The following CPXM1 variants were observed in gnomAD, a reference collection of about 807,000 sequenced individuals.
CPXM1 encodes the protein carboxypeptidase X, M14 family member 1, also known as probable carboxypeptidase X1.
In CPXM1, 72 loss-of-function variants were observed where a neutral mutation model predicts 80.4. The ratio of observed to expected loss-of-function variants is 0.90; its 90% CI spans 0.74 to 1.09. The LOEUF (loss-of-function observed/expected upper bound fraction) is 1.09. Among genes scored for constraint, CPXM1 ranks in the 50% least tolerant of loss-of-function variants. The pLI is 0.00. For missense variants in CPXM1, 892 were observed against 999.4 expected, an observed-to-expected ratio of 0.89 and a Z score of 1.45; for synonymous variants, 403 against 405.6, an observed-to-expected ratio of 0.99 and a Z score of 0.08.
Position 2,795,507 on chromosome 20 carries a change from G to A in CPXM1, c.1721-91C>T. The A allele has an allele frequency of 2.5e-6, 4 of 1,584,330 alleles. No individual in the cohort carries two copies. The South Asian group carries it at 4.6e-5, about 18-fold the overall frequency. ...CCTTCTCTGAGGGACACTTCAGAGT[G>A]GGAACAGACGCCAGCACTGTACGCA... On this transcript the variant is annotated intron_variant, in intron 11 of 13. Transcript: ENST00000380605. The surrounding 1 kb of genome is among the most constrained non-coding windows in gnomAD (Gnocchi z 5.4).
At position 2,794,224 on chromosome 20, in the gene CPXM1, C is replaced by T; in HGVS notation, c.2171G>A (p.Arg724Lys). Reference sequence around the variant, plus strand: ...CTGTCCCCTTAGCCGCTCCAGGCGCCTGCGAAGGTCCGGGGGCACCTTGGC... The same window carrying T: ...CTGTCCCCTTAGCCGCTCCAGGCGCTTGCGAAGGTCCGGGGGCACCTTGGC... ...AGAKVPPDLR[R>K]RLERLRGQKD The change falls in exon 14 of 14, where the codon AGG becomes AAG. Residue 724 changes from arginine to lysine, a missense_variant. By Grantham distance (26) the Arg-to-Lys change is conservative. Around this residue, in one of 2 missense-constraint regions of CPXM1, gnomAD observed 874 missense variants for 958.4 expected, o/e 0.91. Coordinates refer to ENST00000380605, the MANE Select transcript of CPXM1 (RefSeq NM_019609.5). The surrounding 1 kb of genome is among the most constrained non-coding windows in gnomAD (Gnocchi z 5.2). 1 of 1,613,794 alleles carries T rather than the reference C, an allele frequency of 6.2e-7. No homozygotes were observed.
At chr20:2,800,289 T>C (rs2088556665) in intron 1 of CPXM1, 112 bp downstream of exon 1, 1 of 967,278 alleles carries the variant, frequency 1.0e-6, no homozygotes, top group Non-Finnish European at 1.4e-6. Context: ...TGCATGACTG[T>C]GAGTGTGCGT....
In CPXM1 at chr20:2,795,957, C is replaced by T. The variant is rs755008775; in HGVS notation, c.1422+25G>A. ...GACAAGGTCCGCCCCCCACAGACCTCCACTGCCGCCCTCAAAATACTCACG... is the reference window on the plus strand; with the variant it reads ...GACAAGGTCCGCCCCCCACAGACCTTCACTGCCGCCCTCAAAATACTCACG... On this transcript the variant is annotated intron_variant, in intron 10 of 13. Coordinates refer to ENST00000380605, the MANE Select transcript of CPXM1 (RefSeq NM_019609.5). The surrounding 1 kb of genome is among the most constrained non-coding windows in gnomAD (Gnocchi z 5.4). 8 of 1,599,582 alleles carry T rather than the reference C, an allele frequency of 5.0e-6. No homozygotes were observed. In the African/African-American group the frequency reaches 5.4e-5, roughly 11 times the overall value.
Position 2,795,704 on chromosome 20 carries a change from T to A in CPXM1, c.1615A>T (p.Ser539Cys). 6.2e-7 allele frequency: 1 copy of A among 1,614,028 alleles called. No homozygotes were observed. Among genetic ancestry groups the A allele is most frequent in the Non-Finnish European group, 8.5e-7 (1 of 1,180,024 alleles). The stretch of plus-strand genomic sequence containing the variant: ...CTGGTGTCCTGCATGGCCAGATTAC[T>A]GCCAGCATAGACAGTGCTGAGCCAG... ...FRWLSTVYAG[S>C]NLAMQDTSRR... Residue 539 changes from serine to cysteine, a missense_variant, in exon 11 of 14, where the codon AGT becomes TGT. This residue lies in a region of CPXM1 where 874 missense variants were observed against 958.4 expected (regional missense o/e 0.91). Transcript: ENST00000380605. This position sits in a 1 kb window ranked among gnomAD's most constrained non-coding sequence, Gnocchi z 5.4.
Position 2,798,286 on chromosome 20 carries a change from G to A in CPXM1, c.456C>T (p.Gly152=). Residue 152 remains glycine, a synonymous_variant, in exon 4 of 14, where the codon GGC becomes GGT. Transcript: ENST00000380605. ...PHRGRLNIQS[G]LEDGDLYDGA... ...CATCATATAGATCGCCGTCCTCCAG[G>A]CCTGACTGCAGACACAGGACATGGT... 6.2e-7 allele frequency: 1 copy of A among 1,613,802 alleles called. No homozygotes were observed. The highest frequency in any genetic ancestry group is 1.1e-5 in the South Asian group (1 of 91,070).
Position 2,796,591 on chromosome 20 carries a change from CT to C in CPXM1, c.980del (p.Lys327ArgfsTer6), listed in dbSNP as rs2088511661. On this transcript the variant is annotated frameshift_variant, in exon 8 of 14. Coordinates refer to ENST00000380605, the MANE Select transcript of CPXM1 (RefSeq NM_019609.5). LOFTEE classifies it high-confidence loss of function. This position sits in a 1 kb window ranked among gnomAD's most constrained non-coding sequence, Gnocchi z 6.8. ...CATACAGCTTCAGGCCCTGGTAGCT[CT>C]TCCCAATGCTGTAGATGCGGGTGAT... ...PNITRIYSIGKSYQGLKLYVM... is the reference protein window; with the variant it reads ...PNITRIYSIGXSYQGLKLYVM... 6.2e-7 allele frequency: 1 copy of C among 1,614,072 alleles called. No individual in the cohort carries two copies. Among genetic ancestry groups the C allele is most frequent in the Non-Finnish European group, 8.5e-7 (1 of 1,180,026 alleles).
rs764256097 is a variant in CPXM1 at position 2,797,266 on chromosome 20, C to T, written c.758G>A (p.Arg253His). The T allele has an allele frequency of 1.6e-5, 25 of 1,568,462 alleles. No homozygotes were observed. Among genetic ancestry groups the T allele is most frequent in the South Asian group, 2.3e-5 (2 of 86,370 alleles). The change falls in exon 6 of 14, where the codon CGC becomes CAC. Residue 253 changes from arginine (R) to histidine (H), a missense_variant. By Grantham distance (29) the Arg-to-His change is conservative. Around this residue, in one of 2 missense-constraint regions of CPXM1, gnomAD observed 874 missense variants for 958.4 expected, o/e 0.91. Coordinates refer to ENST00000380605, the MANE Select transcript of CPXM1 (RefSeq NM_019609.5). Reference sequence around the variant, plus strand: ...CTGGAGCCAGGTCTGGGGCAGCAGGCGAATGAAGCGGGCCACCTGGGGCTC... The same window carrying T: ...CTGGAGCCAGGTCTGGGGCAGCAGGTGAATGAAGCGGGCCACCTGGGGCTC... ...LPEPQVARFI[R>H]LLPQTWLQGG...
In CPXM1 at chr20:2,796,189, G is replaced by T. The variant is rs775442955; in HGVS notation, c.1243-28C>A. The T allele has an allele frequency of 1.2e-6, 2 of 1,608,006 alleles. No homozygotes were observed. The highest frequency in any genetic ancestry group is 8.5e-7 in the Non-Finnish European group (1 of 1,176,542). On this transcript the variant is annotated intron_variant, in intron 9 of 13. Transcript: ENST00000380605. The surrounding 1 kb of genome is among the most constrained non-coding windows in gnomAD (Gnocchi z 6.8). ...GCCGGGCAAGAGGCTTGTTCAAGTCGAGCAGGTCCAGCCACCAGGGCAGAA... is the reference window on the plus strand; with the variant it reads ...GCCGGGCAAGAGGCTTGTTCAAGTCTAGCAGGTCCAGCCACCAGGGCAGAA...
rs201928618 is a variant in CPXM1, at chr20:2,800,457, C to A, written c.116G>T (p.Gly39Val). Reference protein sequence around the residue: ...LAQPGTTKVPGSTPALHSSPA... With the variant: ...LAQPGTTKVPVSTPALHSSPA... ...GCTGCTATGCAGGGCCGGGGTCGAG[C>A]CTGGGACCTTGGTGGTCCCGGGCTG... Residue 39 changes from glycine (G) to valine (V), a missense_variant, in exon 1 of 14, where the codon GGC becomes GTC. Physicochemically the swap from Gly to Val is moderately radical, Grantham distance 109. Transcript: ENST00000380605. The A allele has an allele frequency of 1.9e-3, 2,898 of 1,490,478 alleles. 59 individuals carry two copies. In the African/African-American group the frequency reaches 0.037, roughly 19 times the overall value. 92.3% of individuals were successfully genotyped at this position (1,490,478 alleles called of 1,614,324 possible).
At chr20:2,800,210 CGT>C (rs1040453544) in intron 1 of CPXM1, among the ~76,000 whole-genome samples, 189 bp downstream of exon 1, 3 of 148,698 alleles carry the variant, frequency 2.0e-5, no homozygotes, top group South Asian at 2.2e-4. Flanking sequence ...CAAGTGTGCG[CGT>C]GTGTGAATGT....
In CPXM1 at chr20:2,798,188, G is replaced by A. The variant is rs138744086; in HGVS notation, c.554C>T (p.Ser185Leu). Residue 185 changes from serine (S) to leucine (L), a missense_variant, in exon 4 of 14, where the codon TCG becomes TTG. This residue lies in a region of CPXM1 where 874 missense variants were observed against 958.4 expected (regional missense o/e 0.91). Coordinates refer to ENST00000380605, the MANE Select transcript of CPXM1 (RefSeq NM_019609.5). Reference protein sequence around the residue: ...QVDAGHPTRFSGVITQGRNSV... With the variant: ...QVDAGHPTRFLGVITQGRNSV... ...GTTCCTGCCCTGTGTGATAACACCC[G>A]AGAAGCGGGTGGGGTGCCCAGCGTC... is the stretch of plus-strand genomic sequence containing the variant. 5.1e-4 allele frequency: 823 copies of A among 1,613,980 alleles called. 5 individuals are homozygous for A. The East Asian group carries it at 0.016, about 31-fold the overall frequency.
Position 2,794,653 on chromosome 20 carries a change from G to C in CPXM1, c.1861-14C>G. 1.9e-6 allele frequency: 3 copies of C among 1,597,146 alleles called. No homozygotes were observed. The highest frequency in any genetic ancestry group is 2.6e-6 in the Non-Finnish European group (3 of 1,169,138). On this transcript the variant is annotated splice_polypyrimidine_tract_variant and intron_variant, in intron 12 of 13. Transcript: ENST00000380605. This position sits in a 1 kb window ranked among gnomAD's most constrained non-coding sequence, Gnocchi z 5.2. ...GCCCATGCGCACCTGTGTGGGAAGA[G>C]GTTATCAGAGCCCTTCCCCTTCGGC... is the stretch of plus-strand genomic sequence containing the variant.
rs749568046 is a variant in CPXM1, at chr20:2,796,175, G to A, written c.1243-14C>T. The A allele has an allele frequency of 1.2e-6, 2 of 1,608,772 alleles. No individual in the cohort carries two copies. The highest frequency in any genetic ancestry group is 1.7e-6 in the Non-Finnish European group (2 of 1,176,970). On this transcript the variant is annotated splice_polypyrimidine_tract_variant and intron_variant, in intron 9 of 13. Transcript: ENST00000380605. This position sits in a 1 kb window ranked among gnomAD's most constrained non-coding sequence, Gnocchi z 6.8. ...CAGCTCTGAACCCTGCCGGGCAAGAGGCTTGTTCAAGTCGAGCAGGTCCAG... is the reference window on the plus strand; with the variant it reads ...CAGCTCTGAACCCTGCCGGGCAAGAAGCTTGTTCAAGTCGAGCAGGTCCAG...
At position 2,797,022 on chromosome 20, in the gene CPXM1, T is replaced by C; in HGVS notation, c.905A>G (p.Tyr302Cys). The C allele has an allele frequency of 1.9e-6, 3 of 1,613,966 alleles. No homozygotes were observed. Among genetic ancestry groups the C allele is most frequent in the Non-Finnish European group, 2.5e-6 (3 of 1,179,906 alleles). ...SDPLDFQHHN[Y>C]KAMRKLMKQV... is the part of the protein sequence containing the mutation. Reference sequence around the variant, plus strand: ...ATATCTGACCTTCCTCATGGCCTTGTAATTGTGATGCTGAAAGTCTAGAGG... The same window carrying C: ...ATATCTGACCTTCCTCATGGCCTTGCAATTGTGATGCTGAAAGTCTAGAGG... The change falls in exon 7 of 14, where the codon TAC (tyrosine) becomes TGC (cysteine). Residue 302 changes from tyrosine (Y) to cysteine (C), a missense_variant. Coordinates refer to ENST00000380605, the MANE Select transcript of CPXM1 (RefSeq NM_019609.5).
intron 1 of CPXM1, among the ~76,000 whole-genome samples, chr20:2,799,594 T>C (rs1318330763): frequency 6.6e-6 from 1 of 152,112 alleles, no homozygotes; most frequent in African/African-American, 2.4e-5. Flanking sequence ...CGCCGCTTCC[T>C]TCTTGGCAGC....
In CPXM1 at chr20:2,795,393, G is replaced by A; in HGVS notation, c.1744C>T (p.His582Tyr). The A allele has an allele frequency of 1.9e-6, 3 of 1,614,184 alleles. No individual in the cohort carries two copies. Among genetic ancestry groups the A allele is most frequent in the Non-Finnish European group, 2.5e-6 (3 of 1,180,012 alleles). The stretch of plus-strand genomic sequence containing the variant: ...ACAGTGACCTCAAAGCAGTTGGTGT[G>A]TAGGTAGCTGAAGTCATTCATGCCT... ...PGSMNDFSYLHTNCFEVTVEL... is the reference protein window; with the variant it reads ...PGSMNDFSYLYTNCFEVTVEL... Residue 582 changes from histidine to tyrosine, a missense_variant, in exon 12 of 14, where the codon CAC (histidine) becomes TAC (tyrosine). By Grantham distance (83) the His-to-Tyr change is moderately conservative (BLOSUM62 2). This residue lies in a region of CPXM1 where 874 missense variants were observed against 958.4 expected (regional missense o/e 0.91). Coordinates refer to ENST00000380605, the MANE Select transcript of CPXM1 (RefSeq NM_019609.5). This position sits in a 1 kb window ranked among gnomAD's most constrained non-coding sequence, Gnocchi z 5.4.
rs767317980 is a variant in CPXM1 at position 2,795,565 on chromosome 20, G to C, written c.1720+34C>G. Reference sequence around the variant, plus strand: ...GCTGTCTTATCAGGGCGGGGGTTACGGGGCCAGGGCTAACTCCACCCTCAG... The same window carrying C: ...GCTGTCTTATCAGGGCGGGGGTTACCGGGCCAGGGCTAACTCCACCCTCAG... On this transcript the variant is annotated intron_variant, in intron 11 of 13. Coordinates refer to ENST00000380605, the MANE Select transcript of CPXM1 (RefSeq NM_019609.5). The surrounding 1 kb of genome is among the most constrained non-coding windows in gnomAD (Gnocchi z 5.4). 15 of 1,602,494 alleles carry C rather than the reference G, an allele frequency of 9.4e-6. No homozygotes were observed. Among genetic ancestry groups the C allele is most frequent in the Non-Finnish European group, 1.2e-5 (14 of 1,171,726 alleles).
In CPXM1 at chr20:2,795,034, C is replaced by T. The variant is rs567308429; in HGVS notation, c.1860+243G>A. ...TGAGGATAGCTCTGGGGCAGCGCCACGGACCACCACCTAGACTGCAATGGA... is the reference window on the plus strand; with the variant it reads ...TGAGGATAGCTCTGGGGCAGCGCCATGGACCACCACCTAGACTGCAATGGA... On this transcript the variant is annotated intron_variant, in intron 12 of 13. Transcript: ENST00000380605. This position sits in a 1 kb window ranked among gnomAD's most constrained non-coding sequence, Gnocchi z 5.4. Among the ~76,000 whole-genome samples the T allele has an allele frequency of 2.6e-5, 4 of 152,306 alleles. No individual in the cohort carries two copies. Among genetic ancestry groups the T allele is most frequent in the East Asian group, 3.9e-4 (2 of 5,178 alleles).
chr20:2,799,246 A>C (rs2146563313), intron 1 of CPXM1, among the ~76,000 whole-genome samples: 1 of 152,148 alleles, frequency 6.6e-6, no homozygotes, highest in South Asian at 2.1e-4. Flanking sequence ...CTCCCCTGTA[A>C]TGCTACCCCT....
Sources: gnomAD v4.1 joint callset for allele counts (sites outside exome capture counted in the v4.1 genomes callset) on GRCh38, gnomAD v4.1.1 for gene constraint, gnomAD v4.1.1 regional missense constraint, Gnocchi (gnomAD v3.1) non-coding constraint, MANE v1.5 for transcripts, NCBI Gene and HGNC (gene_info 2026-07-23, HGNC 2026-07-21) for gene names.